PDGFD: variants seen among roughly 807,000 people sequenced by gnomAD.
PDGFD encodes platelet derived growth factor D.
In PDGFD, 30 loss-of-function variants were observed where a neutral mutation model predicts 44.7. That is an observed-to-expected ratio of 0.67 (90% CI 0.50 to 0.91). The LOEUF is 0.91. PDGFD is among the 40% of genes least tolerant of loss of function. The probability of loss-of-function intolerance (pLI) is 0.00; values close to 1 mark genes in which losing one functional copy is unlikely to be tolerated. For synonymous variants in PDGFD, 173 were observed against 168.4 expected (o/e 1.03, Z -0.21); for missense variants, 445 against 457.8 (o/e 0.97, Z 0.25).
chr11:103,925,353 C>T (rs1054126712), intron 6 of PDGFD, among the ~76,000 whole-genome samples: 2 of 152,078 alleles, frequency 1.3e-5, no homozygotes, highest in African/African-American at 4.8e-5. Flanking sequence ...TGATGGAGAG[C>T]AACTCAAACA....
chr11:104,159,377 C>A (rs554271197), intron 1 of PDGFD, among the ~76,000 whole-genome samples: 1 of 152,182 alleles, frequency 6.6e-6, no homozygotes, highest in African/African-American at 2.4e-5. Flanking sequence ...ACACCTGGTT[C>A]ATCCATCTAA....
chr11:103,979,477 C>T (rs1433438524), intron 3 of PDGFD, among the ~76,000 whole-genome samples: 1 of 152,096 alleles, frequency 6.6e-6, no homozygotes, highest in Admixed American at 6.6e-5. Context: ...ACTCAGGCAA[C>T]TATCTGGCAG....
intron 1 of PDGFD, among the ~76,000 whole-genome samples, chr11:104,145,928 C>T (rs980517074): frequency 6.6e-6 from 1 of 152,178 alleles, no homozygotes; most frequent in Non-Finnish European, 1.5e-5. Context: ...TGTGAAGACA[C>T]AGTAAGATGG....
chr11:104,079,025 T>C (rs1450114791), intron 1 of PDGFD, among the ~76,000 whole-genome samples: 1 of 152,232 alleles, frequency 6.6e-6, no homozygotes, highest in African/African-American at 2.4e-5. Context: ...CTTTAAAATA[T>C]AACTGGTTAA....
At chr11:104,049,899 G>A (rs745623831) in intron 1 of PDGFD, among the ~76,000 whole-genome samples, 2 of 152,142 alleles carry the variant, frequency 1.3e-5, no homozygotes, top group Non-Finnish European at 2.9e-5. Context: ...GGGTTGAGGA[G>A]CCAATTGGAT....
intron 1 of PDGFD, among the ~76,000 whole-genome samples, chr11:104,002,224 G>A (rs541064075): frequency 3.3e-5 from 5 of 152,130 alleles, no homozygotes; most frequent in Non-Finnish European, 7.4e-5. Context: ...TTTGTCATAA[G>A]GGGCTTTTAG....
chr11:104,057,149 C>G (rs1860633002), intron 1 of PDGFD, among the ~76,000 whole-genome samples: 1 of 152,188 alleles, frequency 6.6e-6, no homozygotes, highest in Admixed American at 6.5e-5. Flanking sequence ...AAAATAAACA[C>G]CCCACAAGGT....
rs566186910 is a variant in PDGFD, at chr11:103,951,489, T to C, written c.511-3765A>G. Among the ~76,000 whole-genome samples, 15 of 152,308 alleles carry C rather than the reference T, an allele frequency of 9.8e-5. No homozygotes were observed. The East Asian group carries it at 2.9e-3, about 29-fold the overall frequency. On this transcript the variant is annotated intron_variant, in intron 3 of 6. Coordinates refer to ENST00000393158, the MANE Select transcript of PDGFD (RefSeq NM_025208.5). Reference sequence around the variant, plus strand: ...TCTGCTTAAAACCTTCCAATAGCTTTCCATTGCTCTTAGAATTTGGCAAAA... The same window carrying C: ...TCTGCTTAAAACCTTCCAATAGCTTCCCATTGCTCTTAGAATTTGGCAAAA...
At chr11:103,921,143 G>C (rs1858209326) in intron 6 of PDGFD, among the ~76,000 whole-genome samples, 1 of 152,098 alleles carries the variant, frequency 6.6e-6, no homozygotes, top group Admixed American at 6.5e-5. Flanking sequence ...CTCTTGGTAG[G>C]AAAACATCAC....
chr11:104,062,274 C>G (rs1242770416), intron 1 of PDGFD, among the ~76,000 whole-genome samples: 1 of 152,210 alleles, frequency 6.6e-6, no homozygotes, highest in Admixed American at 6.5e-5. Context: ...CAGTTACAAC[C>G]TTGGGCAAGT....
intron 1 of PDGFD, among the ~76,000 whole-genome samples, chr11:104,096,754 C>A (rs1053207230): frequency 2.6e-5 from 4 of 152,124 alleles, no homozygotes; most frequent in Admixed American, 2.0e-4. Flanking sequence ...AGGCACACAA[C>A]TGTATAAAGG....
intron 1 of PDGFD, among the ~76,000 whole-genome samples, chr11:104,016,309 A>C (rs1454209937): frequency 6.6e-6 from 1 of 152,224 alleles, no homozygotes; most frequent in African/African-American, 2.4e-5. Context: ...ATGTGACAGC[A>C]GTTTCAGCTA....
chr11:104,078,793 A>C (rs1330491757), intron 1 of PDGFD, among the ~76,000 whole-genome samples: 1 of 112,516 alleles, frequency 8.9e-6, no homozygotes, highest in Non-Finnish European at 1.7e-5. Flanking sequence ...CATTCTATAA[A>C]GTATTTAATG....
In PDGFD at chr11:104,117,655, A is replaced by G. The variant is rs1008704381; in HGVS notation, c.124+46149T>C. Among the ~76,000 whole-genome samples, 24 of 152,112 alleles carry G rather than the reference A, an allele frequency of 1.6e-4. 1 individual carries two copies. The South Asian group carries it at 2.5e-3, about 16-fold the overall frequency. ...AAAATAACTGCAAAATAAATAGAAT[A>G]CTTAGGAATATATCTAACCAAGGAG... is the stretch of plus-strand genomic sequence containing the variant. On this transcript the variant is annotated intron_variant, in intron 1 of 6. Coordinates refer to ENST00000393158, the MANE Select transcript of PDGFD (RefSeq NM_025208.5).
At chr11:103,971,674 C>A (rs1008139954) in intron 3 of PDGFD, among the ~76,000 whole-genome samples, 2 of 152,066 alleles carry the variant, frequency 1.3e-5, no homozygotes, top group African/African-American at 4.8e-5. Context: ...CAAACGATTG[C>A]CACAAAACAA....
chr11:104,118,174 G>C (rs573977139), intron 1 of PDGFD, among the ~76,000 whole-genome samples: 1 of 151,832 alleles, frequency 6.6e-6, no homozygotes, highest in African/African-American at 2.4e-5. Flanking sequence ...TTCCAAGTTG[G>C]ATTATGAAGC....
intron 1 of PDGFD, among the ~76,000 whole-genome samples, chr11:104,145,616 A>G (rs1375316747): frequency 1.3e-5 from 2 of 152,174 alleles, no homozygotes; most frequent in African/African-American, 2.4e-5. Context: ...ATGTGAAGCA[A>G]TTTATATAGG....
intron 3 of PDGFD, among the ~76,000 whole-genome samples, chr11:103,950,704 G>A (rs1402741723): frequency 6.6e-6 from 1 of 152,134 alleles, no homozygotes; most frequent in East Asian, 1.9e-4. Flanking sequence ...CTGTGTGGTT[G>A]GTGACCTTCC....
intron 1 of PDGFD, among the ~76,000 whole-genome samples, chr11:104,134,549 A>G (rs1029921088): frequency 5.9e-5 from 9 of 152,204 alleles, no homozygotes; most frequent in African/African-American, 1.2e-4. Context: ...TACCCAGTCC[A>G]TAGGACAGAC....
Sources: gnomAD v4.1 joint callset for allele counts (sites outside exome capture counted in the v4.1 genomes callset) on GRCh38, gnomAD v4.1.1 for gene constraint, MANE v1.5 for transcripts, NCBI Gene and HGNC (gene_info 2026-07-23, HGNC 2026-07-21) for gene names.